Variants in TRDN observed in about 807,000 individuals in gnomAD.
TRDN encodes triadin in skeletal muscle.
In TRDN, 161 loss-of-function variants were observed where a neutral mutation model predicts 149.7. The ratio of observed to expected loss-of-function variants is 1.08; its 90% confidence interval spans 0.95 to 1.23. The LOEUF (loss-of-function observed/expected upper bound fraction) is 1.23. Ranked by LOEUF, TRDN falls within the 50% of genes most tolerant of loss-of-function variation. TRDN has a pLI of 0.00. For synonymous variants in TRDN, 294 were observed against 250.5 expected, an observed-to-expected ratio of 1.17 and a Z score of -1.64; for missense variants, 896 against 823.5, an observed-to-expected ratio of 1.09 and a Z score of -1.08.
chr6:123,530,610 T>A, intron 4 of TRDN, 45 bp from the exon 5 acceptor site: 1 of 1,107,638 alleles, frequency 9.0e-7, no homozygotes, highest in Non-Finnish European at 1.2e-6. Context: ...TGAAAATGTA[T>A]AAAATTTAAG....
intron 12 of TRDN, among the ~76,000 whole-genome samples, chr6:123,416,854 A>G (rs1196009002): frequency 6.6e-6 from 1 of 152,138 alleles, no homozygotes; most frequent in Non-Finnish European, 1.5e-5. Flanking sequence ...GGCATCTGCC[A>G]CCAAGCCTAG....
chr6:123,559,963 G>A (rs1188289029), intron 2 of TRDN, among the ~76,000 whole-genome samples: 1 of 152,132 alleles, frequency 6.6e-6, no homozygotes, highest in African/African-American at 2.4e-5. Context: ...ATCAGGCTCA[G>A]CGAATTACCT....
At chr6:123,487,332 G>A (rs1401456863) in intron 9 of TRDN, among the ~76,000 whole-genome samples, 1 of 152,022 alleles carries the variant, frequency 6.6e-6, no homozygotes, top group Non-Finnish European at 1.5e-5. Flanking sequence ...CCACATATGT[G>A]AAATAAAATT....
chr6:123,636,923 T>C lies in TRDN; in HGVS notation c.-148A>G, dbSNP rs1786355836. ...CCTGGCTGTTTCTGCTGCTTCTTTG[T>C]TGTCCTGTTGAACTTTGCCTCTCCT... On this transcript the variant is annotated 5_prime_UTR_variant, in exon 1 of 41. Coordinates refer to ENST00000334268, the MANE Select transcript of TRDN (RefSeq NM_006073.4). The C allele has an allele frequency of 4.6e-6, 4 of 868,530 alleles. No homozygotes were observed. The highest frequency in any genetic ancestry group is 3.4e-5 in the African/African-American group (2 of 59,080). 53.8% of individuals were successfully genotyped at this position (868,530 alleles called of 1,614,324 possible). A position where few individuals can be genotyped will look rare whatever the true frequency, so the allele number is the denominator to read the frequency against.
chr6:123,591,118 A>C (rs1783758136), intron 1 of TRDN, among the ~76,000 whole-genome samples: 1 of 152,214 alleles, frequency 6.6e-6, no homozygotes, highest in African/African-American at 2.4e-5. Context: ...TTGTGTAGAA[A>C]ACAAATCCAT....
chr6:123,344,742 G>A (rs1780192631), intron 21 of TRDN, among the ~76,000 whole-genome samples: 2 of 152,134 alleles, frequency 1.3e-5, no homozygotes, highest in South Asian at 4.2e-4. Flanking sequence ...ATAAACATTT[G>A]TGTGCAGGTT....
intron 24 of TRDN, among the ~76,000 whole-genome samples, chr6:123,298,018 A>G (rs569935423): frequency 6.6e-6 from 1 of 152,200 alleles, no homozygotes; most frequent in South Asian, 2.1e-4. Context: ...ACTTCATCAT[A>G]GGCTTGAAAA....
chr6:123,507,290 G>A (rs1025860771), intron 7 of TRDN, among the ~76,000 whole-genome samples: 5 of 152,064 alleles, frequency 3.3e-5, no homozygotes, highest in South Asian at 2.1e-4. Flanking sequence ...AACTATAGAT[G>A]TGTGAAATTC....
At chr6:123,536,130 A>G (rs1275694685) in intron 4 of TRDN, among the ~76,000 whole-genome samples, 1 of 152,194 alleles carries the variant, frequency 6.6e-6, no homozygotes, top group African/African-American at 2.4e-5. Context: ...AAACATTTAG[A>G]GCATCATTTG....
At chr6:123,452,504 CA>C (rs61615553) in intron 10 of TRDN, among the ~76,000 whole-genome samples, 146,807 of 150,450 alleles carry the variant, frequency 0.98, 71,635 homozygotes, top group East Asian at 1. Context: ...ACAATAGTTG[CA>C]AAAAAAAAAC....
At position 123,349,391 on chromosome 6, in the gene TRDN, C is replaced by G. The variant is rs569382226; in HGVS notation, c.1369+3148G>C. ...TATGCCCCTCACACCCATTCCCCAG[C>G]GCCTGGCCAGTTGTGGGCGCTCAAT... On this transcript the variant is annotated intron_variant, in intron 21 of 40. Coordinates refer to ENST00000334268, the MANE Select transcript of TRDN (RefSeq NM_006073.4). The G allele has an allele frequency of 1.3e-5, 5 of 381,172 alleles. No individual in the cohort carries two copies. In the Admixed American group the frequency reaches 2.6e-4, roughly 20 times the overall value. The allele number at this position is 381,172 out of a possible 1,614,324, so 23.6% of individuals were successfully genotyped here.
intron 1 of TRDN, among the ~76,000 whole-genome samples, chr6:123,587,813 TG>T: frequency 6.7e-6 from 1 of 149,698 alleles, no homozygotes; most frequent in Admixed American, 6.6e-5. Flanking sequence ...AGGTACTCAG[TG>T]GGGGAGCTTT....
rs144324174 is a variant in TRDN at position 123,505,844 on chromosome 6, C to T, written c.611-1943G>A. Among the ~76,000 whole-genome samples the T allele has an allele frequency of 4.9e-4, 74 of 152,018 alleles. No individual in the cohort carries two copies. The East Asian group carries it at 0.01, about 21-fold the overall frequency. ...CCTCCCAAGTAGCTGGGATTACACGCGCCTATCACCAAGCCCAGTTAATTT... is the reference window on the plus strand; with the variant it reads ...CCTCCCAAGTAGCTGGGATTACACGTGCCTATCACCAAGCCCAGTTAATTT... On this transcript the variant is annotated intron_variant, in intron 7 of 40. Coordinates refer to ENST00000334268, the MANE Select transcript of TRDN (RefSeq NM_006073.4).
At chr6:123,585,120 G>T (rs1203651817) in intron 1 of TRDN, among the ~76,000 whole-genome samples, 2 of 147,094 alleles carry the variant, frequency 1.4e-5, no homozygotes, top group Admixed American at 7.0e-5. Context: ...GGGAGTAGAG[G>T]TATCTTATAC....
chr6:123,421,634 A>C (rs1350683525), intron 12 of TRDN: 1 of 152,114 alleles, frequency 6.6e-6, no homozygotes, highest in African/African-American at 2.4e-5. Flanking sequence ...CTCTGCATCA[A>C]TAGGCTTTGC....
At chr6:123,299,438 G>A (rs1284994804) in intron 24 of TRDN, among the ~76,000 whole-genome samples, 1 of 151,984 alleles carries the variant, frequency 6.6e-6, no homozygotes, top group Non-Finnish European at 1.5e-5. Context: ...GAATAGAAGA[G>A]ATGGGTAGTT....
chr6:123,603,735 C>T (rs1784385831), intron 1 of TRDN, among the ~76,000 whole-genome samples: 1 of 152,130 alleles, frequency 6.6e-6, no homozygotes, highest in South Asian at 2.1e-4. Context: ...GAACCCTTTG[C>T]TGATAATGAC....
chr6:123,515,734 T>G (rs1383672233), intron 6 of TRDN, among the ~76,000 whole-genome samples: 1 of 152,072 alleles, frequency 6.6e-6, no homozygotes, highest in African/African-American at 2.4e-5. Flanking sequence ...CAATTAGAAC[T>G]TATTATCTAT....
intron 12 of TRDN, among the ~76,000 whole-genome samples, chr6:123,400,167 G>GTGTATATATATATATATATA (rs1554232309): frequency 2.4e-5 from 3 of 123,396 alleles, no homozygotes; most frequent in Non-Finnish European, 3.4e-5. Context: ...ATATGTATGT[G>GTGTATATATATATATATATA]TATATATATA....
Sources: allele counts gnomAD v4.1 joint callset (sites outside exome capture counted in the v4.1 genomes callset), GRCh38; gene constraint gnomAD v4.1.1; transcripts MANE v1.5; gene names NCBI Gene and HGNC (gene_info 2026-07-23, HGNC 2026-07-21).